The following AGR3 variants were observed in gnomAD, a reference collection of about 807,000 sequenced individuals.
AGR3 encodes the protein anterior gradient 3, protein disulphide isomerase family member.
AGR3 carries 37 observed loss-of-function variants against 24.5 expected under a neutral mutation model. That is an observed-to-expected ratio of 1.51 (90% CI 1.16 to 1.99). The LOEUF (loss-of-function observed/expected upper bound fraction) is 1.99, where lower values mean the gene tolerates loss of function less well. AGR3 is among the 30% of genes most tolerant of loss of function. AGR3 has a pLI of 0.00. For synonymous variants in AGR3, 75 were observed against 61.6 expected (o/e 1.22, Z -1.02); for missense variants, 228 against 191.1 (o/e 1.19, Z -1.14).
chr7:16,868,391 G>A (rs1362923737), intron 3 of AGR3, among the ~76,000 whole-genome samples: 1 of 152,190 alleles, frequency 6.6e-6, no homozygotes, highest in Non-Finnish European at 1.5e-5. Context: ...CCGACCTCAA[G>A]TGATCTGCCC....
intron 3 of AGR3, among the ~76,000 whole-genome samples, chr7:16,867,282 T>C (rs1485764028): frequency 6.6e-6 from 1 of 152,172 alleles, no homozygotes; most frequent in African/African-American, 2.4e-5. Flanking sequence ...ATAATCTGTC[T>C]CCCCTATTCC....
Position 16,862,595 on chromosome 7 carries a change from A to C in AGR3, c.226+15T>G. 6.8e-7 allele frequency: 1 copy of C among 1,475,024 alleles called. No homozygotes were observed. The highest frequency in any genetic ancestry group is 1.4e-5 in the South Asian group (1 of 70,090). 91.4% of individuals were successfully genotyped at this position (1,475,024 alleles called of 1,614,324 possible). A position where few individuals can be genotyped will look rare whatever the true frequency, so the allele number is the denominator to read the frequency against. The stretch of plus-strand genomic sequence containing the variant: ...ATATTATATATTATAATAAGATATC[A>C]GGGGCTAAAATTACCTTGAGAGTAT... On this transcript the variant is annotated intron_variant, in intron 4 of 7. Transcript: ENST00000310398.
rs774014077 is a variant in AGR3 at position 16,860,420 on chromosome 7, G to A, written c.451+80C>T. The A allele has an allele frequency of 1.1e-5, 11 of 1,039,474 alleles. No individual in the cohort carries two copies. In the Admixed American group the frequency reaches 1.9e-4, roughly 18 times the overall value. The allele number at this position is 1,039,474 out of a possible 1,614,324, so 64.4% of individuals were successfully genotyped here. On this transcript the variant is annotated intron_variant, in intron 7 of 7. Transcript: ENST00000310398. ...TCAGTGACTGGTGTGTAGAAGCACT[G>A]ATGTAGGGCTTCACTAGCCCTTAAC... is the stretch of plus-strand genomic sequence containing the variant.
At chr7:16,877,742 A>G (rs62445067) in intron 2 of AGR3, among the ~76,000 whole-genome samples, 2 of 152,072 alleles carry the variant, frequency 1.3e-5, no homozygotes, top group African/African-American at 2.4e-5. Flanking sequence ...GGGCGCCTGT[A>G]GTCCCAGCTA....
At position 16,873,319 on chromosome 7, in the gene AGR3, T is replaced by A. The variant is rs2115312108; in HGVS notation, c.173+461A>T. The A allele has an allele frequency of 1.3e-5, 2 of 153,906 alleles. 1 individual carries two copies. Among genetic ancestry groups the A allele is most frequent in the South Asian group, 4.1e-4 (2 of 4,914 alleles). 9.5% of individuals were successfully genotyped at this position (153,906 alleles called of 1,614,324 possible). On this transcript the variant is annotated intron_variant, in intron 3 of 7. Coordinates refer to ENST00000310398, the MANE Select transcript of AGR3 (RefSeq NM_176813.5). ...GCATGAATGAGCCTGGAGGATGTGT[T>A]AAGTGAAATAAGTCAGATATAGAAA...
At chr7:16,872,425 C>T (rs1026050493) in intron 3 of AGR3, among the ~76,000 whole-genome samples, 1 of 152,160 alleles carries the variant, frequency 6.6e-6, no homozygotes, top group Non-Finnish European at 1.5e-5. Context: ...TGAAACTAGA[C>T]TCCTAACTCT....
At chr7:16,865,673 A>G in intron 3 of AGR3, 2 of 803,028 alleles carry the variant, frequency 2.5e-6, no homozygotes, top group Admixed American at 3.4e-5. Context: ...ATGATCTCCA[A>G]GCATTTGTAA....
chr7:16,873,835 C>G lies in AGR3; in HGVS notation c.118G>C (p.Asp40His). ...TAAGTTTGTACCCAAGTGATGTCAT[C>G]TCCCCATCCTGAAATAGAAGAGAGA... ...PPQTLSRGWG[D>H]DITWVQTYEE... Residue 40 changes from aspartate to histidine, a missense_variant, in exon 3 of 8, where the codon GAT becomes CAT. By Grantham distance (81) the Asp-to-His change is moderately conservative. Transcript: ENST00000310398. 7 of 1,612,504 alleles carry G rather than the reference C, an allele frequency of 4.3e-6. No individual in the cohort carries two copies. Among genetic ancestry groups the G allele is most frequent in the Non-Finnish European group, 5.1e-6 (6 of 1,178,890 alleles).
chr7:16,864,169 T>C, intron 3 of AGR3: 2 of 699,286 alleles, frequency 2.9e-6, no homozygotes, highest in Non-Finnish European at 4.5e-6. Context: ...AACTGTTGTG[T>C]AATTCATCAG....
At chr7:16,873,969 T>C (rs1024161513) in intron 2 of AGR3, 126 bp from the exon 3 acceptor site, 3 of 768,354 alleles carry the variant, frequency 3.9e-6, no homozygotes, top group African/African-American at 3.5e-5. Context: ...GGCTGACATA[T>C]GGTGCAGAGG....
intron 3 of AGR3, among the ~76,000 whole-genome samples, chr7:16,863,607 C>A (rs955714801): frequency 2.0e-5 from 3 of 151,594 alleles, no homozygotes; most frequent in African/African-American, 4.8e-5. Flanking sequence ...TTGTATATAC[C>A]CAGATGCATG....
chr7:16,864,981 G>C (rs1781727168), intron 3 of AGR3: 1 of 985,280 alleles, frequency 1.0e-6, no homozygotes, highest in African/African-American at 1.6e-5. Context: ...CTCCTGGCAT[G>C]TGTGACATTT....
intron 3 of AGR3, chr7:16,873,558 A>G (rs1047891571): frequency 1.2e-5 from 6 of 507,842 alleles, no homozygotes; most frequent in African/African-American, 3.9e-5. Context: ...ACAGTTAACA[A>G]TAGTTTATTG....
At chr7:16,863,011 G>A (rs10950636) in intron 3 of AGR3, among the ~76,000 whole-genome samples, 103,435 of 152,072 alleles carry the variant, frequency 0.68, 36,723 homozygotes, top group Non-Finnish European at 0.79. Context: ...GTGAGGTTGC[G>A]GTGAGCCGAG....
At chr7:16,872,601 A>G (rs1196415131) in intron 3 of AGR3, among the ~76,000 whole-genome samples, 2 of 152,308 alleles carry the variant, frequency 1.3e-5, no homozygotes, top group East Asian at 3.9e-4. Context: ...ACAAAAATAG[A>G]CAAATGGGAC....
intron 2 of AGR3, among the ~76,000 whole-genome samples, chr7:16,877,669 C>T (rs987352965): frequency 1.3e-5 from 2 of 151,884 alleles, no homozygotes; most frequent in African/African-American, 4.8e-5. Context: ...CGAGACCATC[C>T]TGGCTAACAC....
At position 16,861,515 on chromosome 7, in the gene AGR3, T is replaced by C. The variant is rs906750989; in HGVS notation, c.304-68A>G. 19 of 1,327,208 alleles carry C rather than the reference T, an allele frequency of 1.4e-5. No individual in the cohort carries two copies. The East Asian group carries it at 3.0e-4, about 21-fold the overall frequency. The allele number at this position is 1,327,208 out of a possible 1,614,324, so 82.2% of individuals were successfully genotyped here. A position where few individuals can be genotyped will look rare whatever the true frequency, so the allele number is the denominator to read the frequency against. ...GTTTTTGATAGTTTCAAGATGATTTTGTGTGACTGTCAGTAAATTCTATTT... is the reference window on the plus strand; with the variant it reads ...GTTTTTGATAGTTTCAAGATGATTTCGTGTGACTGTCAGTAAATTCTATTT... On this transcript the variant is annotated intron_variant, in intron 5 of 7. Transcript: ENST00000310398.
chr7:16,879,345 C>G (rs1007828384), intron 1 of AGR3, among the ~76,000 whole-genome samples: 3 of 152,190 alleles, frequency 2.0e-5, no homozygotes, highest in African/African-American at 7.2e-5. Context: ...AGCTAGAATT[C>G]AAACTGATTC....
In AGR3 at chr7:16,864,421, C is replaced by T. The variant is rs1213993326; in HGVS notation, c.174-1759G>A. ...CAGCTCTGTGTCCTGTGCGGGTTCA[C>T]CCAGAGATTCCTCTGCAGAATGTCC... On this transcript the variant is annotated intron_variant, in intron 3 of 7. Coordinates refer to ENST00000310398, the MANE Select transcript of AGR3 (RefSeq NM_176813.5). The T allele has an allele frequency of 4.1e-5, 53 of 1,278,730 alleles. No individual in the cohort carries two copies. In the East Asian group the frequency reaches 1.2e-3, roughly 30 times the overall value. The allele number at this position is 1,278,730 out of a possible 1,614,324, so 79.2% of individuals were successfully genotyped here.
Sources: allele counts gnomAD v4.1 joint callset (sites outside exome capture counted in the v4.1 genomes callset), GRCh38; gene constraint gnomAD v4.1.1; transcripts MANE v1.5; gene names NCBI Gene and HGNC (gene_info 2026-07-23, HGNC 2026-07-21).